CLPS: variants seen among roughly 807,000 people sequenced by gnomAD.
CLPS encodes the protein colipase, also known as colipase, pancreatic.
In CLPS, 8 loss-of-function variants were observed where a neutral mutation model predicts 9.3. That is an observed-to-expected ratio of 0.86 (90% confidence interval 0.51 to 1.56). The LOEUF (loss-of-function observed/expected upper bound fraction) is 1.56, where lower values mean the gene tolerates loss of function less well. CLPS is among the 40% of genes most tolerant of loss of function. The pLI, the probability that CLPS is intolerant of heterozygous loss-of-function variation, is 0.00. For synonymous variants in CLPS, 61 were observed against 56.2 expected, an observed-to-expected ratio of 1.09 and a Z score of -0.39; for missense variants, 144 against 145.7, an observed-to-expected ratio of 0.99 and a Z score of 0.06.
intron 1 of CLPS, among the ~76,000 whole-genome samples, chr6:35,796,388 C>T (rs6457855): frequency 0.24 from 36,475 of 149,362 alleles, 1,571 homozygotes; most frequent in Non-Finnish European, 0.27. Context: ...CCAGCCAAGA[C>T]CCATGGTGGA....
intron 1 of CLPS, 80 bp from the exon 2 acceptor site, chr6:35,795,933 C>A: frequency 1.3e-6 from 2 of 1,576,374 alleles, no homozygotes; most frequent in Non-Finnish European, 8.6e-7. Flanking sequence ...CCACACACTA[C>A]CACTAACAGT....
At chr6:35,795,991 G>T in intron 1 of CLPS, 138 bp from the exon 2 acceptor site, 1 of 1,400,122 alleles carries the variant, frequency 7.1e-7, no homozygotes, top group Non-Finnish European at 9.7e-7. Flanking sequence ...CCCTGGGTCT[G>T]GTGGCCTCTG....
In CLPS at chr6:35,795,132, G is replaced by A; in HGVS notation, c.*14C>T. 6.2e-7 allele frequency: 1 copy of A among 1,612,348 alleles called. No individual in the cohort carries two copies. Among genetic ancestry groups the A allele is most frequent in the Non-Finnish European group, 8.5e-7 (1 of 1,179,296 alleles). On this transcript the variant is annotated 3_prime_UTR_variant, in exon 3 of 3. Transcript: ENST00000259938. ...ACAGCATTCTGGGCTAGGTGTGGGA[G>A]TGGGTGGGCAGTCTCACTGCTTGGA...
rs1305666206 is a variant in CLPS at position 35,795,133 on chromosome 6, TG to T, written c.*12del. The T allele has an allele frequency of 6.2e-7, 1 of 1,611,486 alleles. No homozygotes were observed. The highest frequency in any genetic ancestry group is 8.5e-7 in the Non-Finnish European group (1 of 1,178,970). On this transcript the variant is annotated 3_prime_UTR_variant, in exon 3 of 3. Coordinates refer to ENST00000259938, the MANE Select transcript of CLPS (RefSeq NM_001832.4). ...CAGCATTCTGGGCTAGGTGTGGGAG[TG>T]GGTGGGCAGTCTCACTGCTTGGAGC...
chr6:35,796,175 C>T (rs1768364250), intron 1 of CLPS, among the ~76,000 whole-genome samples: 1 of 152,274 alleles, frequency 6.6e-6, no homozygotes, highest in East Asian at 1.9e-4. Flanking sequence ...ACACAAGGCC[C>T]CTAGACAAGT....
In CLPS at chr6:35,795,765, G is replaced by A; in HGVS notation, c.173C>T (p.Ser58Phe). 6.2e-7 allele frequency: 1 copy of A among 1,613,034 alleles called. No homozygotes were observed. Among genetic ancestry groups the A allele is most frequent in the Non-Finnish European group, 8.5e-7 (1 of 1,180,022 alleles). Residue 58 changes from serine to phenylalanine, a missense_variant, in exon 2 of 3, where the codon TCC becomes TTC. Physicochemically the swap from Ser to Phe is radical, Grantham distance 155. Coordinates refer to ENST00000259938, the MANE Select transcript of CLPS (RefSeq NM_001832.4). The part of the protein sequence containing the change: ...SSALGLARCT[S>F]MASENSECSV... ...GCACTCGCTGTTCTCGCTGGCCATG[G>A]ATGTGCAGCGGGCCAGGCCCAGCGC...
At chr6:35,795,344 C>T (rs1007631126) in intron 2 of CLPS, 67 bp from the exon 3 acceptor site, 2 of 1,575,650 alleles carry the variant, frequency 1.3e-6, no homozygotes, top group Admixed American at 3.6e-5. Flanking sequence ...TGTCCCCTGC[C>T]TGACCTAGAG....
At chr6:35,797,102 C>T in intron 1 of CLPS, 103 bp downstream of exon 1, 1 of 1,104,922 alleles carries the variant, frequency 9.1e-7, no homozygotes, top group Admixed American at 2.0e-5. Context: ...GCCACTCCTC[C>T]CAGCCCCTGC....
chr6:35,795,147 C>CT lies in CLPS; in HGVS notation c.337_338insA (p.Ter113=). 2 of 1,613,420 alleles carry CT rather than the reference C, an allele frequency of 1.2e-6. No homozygotes were observed. Among genetic ancestry groups the CT allele is most frequent in the African/African-American group, 1.3e-5 (1 of 75,062 alleles). ...AGGTGTGGGAGTGGGTGGGCAGTCT[C>CT]ACTGCTTGGAGCGTCCAGCGTCATG... ...ICHDAGRSKQ[*] The change falls in exon 3 of 3, where the codon TGA becomes TAGA. Residue 113 remains the stop codon, a frameshift_variant and stop_retained_variant. Coordinates refer to ENST00000259938, the MANE Select transcript of CLPS (RefSeq NM_001832.4). LOFTEE classifies it high-confidence loss of function.
Position 35,795,102 on chromosome 6 carries a change from G to C in CLPS, c.*44C>G. The C allele has an allele frequency of 6.2e-7, 1 of 1,604,986 alleles. No individual in the cohort carries two copies. Among genetic ancestry groups the C allele is most frequent in the South Asian group, 1.1e-5 (1 of 89,332 alleles). On this transcript the variant is annotated 3_prime_UTR_variant, in exon 3 of 3. Transcript: ENST00000259938. Reference sequence around the variant, plus strand: ...GGGGAGAGATGCCCCTGCGCCTAGTGGCCTACAGCATTCTGGGCTAGGTGT... The same window carrying C: ...GGGGAGAGATGCCCCTGCGCCTAGTCGCCTACAGCATTCTGGGCTAGGTGT...
chr6:35,795,944 G>A, intron 1 of CLPS, 91 bp from the exon 2 acceptor site: 3 of 1,563,714 alleles, frequency 1.9e-6, no homozygotes, highest in Non-Finnish European at 2.6e-6. Context: ...CACTAACAGT[G>A]TCTCCCCTGG....
At chr6:35,795,990 T>G (rs929565441) in intron 1 of CLPS, 137 bp from the exon 2 acceptor site, 1 of 1,394,618 alleles carries the variant, frequency 7.2e-7, no homozygotes. Flanking sequence ...CCCCTGGGTC[T>G]GGTGGCCTCT....
chr6:35,795,660 A>G, intron 2 of CLPS, 71 bp downstream of exon 2: 1 of 1,584,510 alleles, frequency 6.3e-7, no homozygotes, highest in Non-Finnish European at 8.6e-7. Flanking sequence ...CCCCTCCCTG[A>G]TCCCACTCAC....
At position 35,795,126 on chromosome 6, in the gene CLPS, G is replaced by A. The variant is rs1404063606; in HGVS notation, c.*20C>T. ...TGGCCTACAGCATTCTGGGCTAGGT[G>A]TGGGAGTGGGTGGGCAGTCTCACTG... On this transcript the variant is annotated 3_prime_UTR_variant, in exon 3 of 3. Coordinates refer to ENST00000259938, the MANE Select transcript of CLPS (RefSeq NM_001832.4). 6 of 1,611,798 alleles carry A rather than the reference G, an allele frequency of 3.7e-6. No homozygotes were observed. The highest frequency in any genetic ancestry group is 5.1e-6 in the Non-Finnish European group (6 of 1,179,100).
intron 1 of CLPS, among the ~76,000 whole-genome samples, chr6:35,796,392 TG>T (rs1200706314): frequency 1.3e-5 from 2 of 152,366 alleles, no homozygotes; most frequent in East Asian, 1.9e-4. Flanking sequence ...CCAAGACCCA[TG>T]GTGGAGAGGT....
At chr6:35,795,581 G>A in intron 2 of CLPS, 150 bp downstream of exon 2, 1 of 1,323,952 alleles carries the variant, frequency 7.6e-7, no homozygotes, top group Non-Finnish European at 1.0e-6. Flanking sequence ...GAGATGATGG[G>A]ATGGGAAAGT....
chr6:35,795,746 G>A lies in CLPS; in HGVS notation c.192C>T (p.Ser64=), dbSNP rs574902061. ...AGGCACCCACCTTGACAGAGCACTC[G>A]CTGTTCTCGCTGGCCATGGATGTGC... ...ARCTSMASEN[S]ECSVKTLYGI... Residue 64 remains serine, a synonymous_variant, in exon 2 of 3, where the codon AGC becomes AGT. Transcript: ENST00000259938. The A allele has an allele frequency of 1.8e-5, 29 of 1,611,952 alleles. No homozygotes were observed. The East Asian group carries it at 2.0e-4, about 11-fold the overall frequency.
rs566561357 is a variant in CLPS, at chr6:35,797,319, G to C, written c.-31C>G. The C allele has an allele frequency of 2.5e-6, 4 of 1,602,604 alleles. No homozygotes were observed. Among genetic ancestry groups the C allele is most frequent in the East Asian group, 2.2e-5 (1 of 44,794 alleles). On this transcript the variant is annotated 5_prime_UTR_variant, in exon 1 of 3. Transcript: ENST00000259938. ...GTGGGACAGCTGGTGTGGGTGGCGG[G>C]AGACAGAGCCAGCTGTGGTGATGGG... is the stretch of plus-strand genomic sequence containing the variant.
intron 1 of CLPS, chr6:35,796,963 CAT>C (rs1311525176): frequency 1.8e-6 from 1 of 568,856 alleles, no homozygotes; most frequent in African/African-American, 1.9e-5. Context: ...AAAGGTCCCT[CAT>C]AGCCAGGTTG....
Sources: gnomAD v4.1 joint callset for allele counts (sites outside exome capture counted in the v4.1 genomes callset) on GRCh38, gnomAD v4.1.1 for gene constraint, MANE v1.5 for transcripts, NCBI Gene and HGNC (gene_info 2026-07-23, HGNC 2026-07-21) for gene names.